Variants in NAALADL2 observed in about 807,000 individuals in gnomAD.
NAALADL2 encodes inactive N-acetylated-alpha-linked acidic dipeptidase-like protein 2.
A neutral mutation model predicts 87.2 loss-of-function variants in NAALADL2; 76 were observed. That is an observed-to-expected ratio of 0.87 (90% confidence interval 0.72 to 1.05). The LOEUF is 1.05. Among genes scored for constraint, NAALADL2 ranks in the 50% least tolerant of loss-of-function variants. NAALADL2 has a pLI of 0.00. For missense variants in NAALADL2, 1,089 were observed against 945.8 expected, an observed-to-expected ratio of 1.15 and a Z score of -1.99; for synonymous variants, 354 against 331.0, an observed-to-expected ratio of 1.07 and a Z score of -0.75.
At chr3:174,527,827 T>A (rs1240762515) in intron 1 of NAALADL2, among the ~76,000 whole-genome samples, 1 of 151,898 alleles carries the variant, frequency 6.6e-6, no homozygotes, top group East Asian at 1.9e-4. Context: ...ACAAAAATTC[T>A]ACCTGGCCTT....
chr3:175,753,710 C>T (rs1358429142), intron 12 of NAALADL2, among the ~76,000 whole-genome samples: 1 of 152,062 alleles, frequency 6.6e-6, no homozygotes, highest in African/African-American at 2.4e-5. Flanking sequence ...ATCAGTAGTT[C>T]TGGGAATCTG....
In NAALADL2 at chr3:174,729,758, AAAATT is replaced by A. The variant is rs1169388961; in HGVS notation, c.-114-7879_-114-7875del. ...TCCCATCATTCCTCTTGTTTTGAAA[AAAATT>A]AAAAGAATGAGTTGATATGATAATA... On this transcript the variant is annotated intron_variant, in intron 2 of 3. Transcript: ENST00000434257. 2.6e-5 allele frequency among the ~76,000 whole-genome samples: 4 copies of A among 152,038 alleles called. No homozygotes were observed. In the East Asian group the frequency reaches 7.7e-4, roughly 29 times the overall value.
chr3:175,415,559 C>A (rs757210131), intron 5 of NAALADL2, among the ~76,000 whole-genome samples: 2 of 151,952 alleles, frequency 1.3e-5, no homozygotes, highest in Non-Finnish European at 2.9e-5. Context: ...AAAGACTAAA[C>A]AAACATTAAA....
chr3:174,948,908 C>T (rs566851001), intron 1 of NAALADL2, among the ~76,000 whole-genome samples: 146 of 152,214 alleles, frequency 9.6e-4, no homozygotes, highest in Middle Eastern at 3.4e-3. Context: ...TTTATTTCTC[C>T]CAATTCTGGA....
intron 13 of NAALADL2, among the ~76,000 whole-genome samples, chr3:175,799,284 ATTC>A (rs1305799167): frequency 6.6e-6 from 1 of 152,106 alleles, no homozygotes; most frequent in Non-Finnish European, 1.5e-5. Flanking sequence ...ATAGTAGTTT[ATTC>A]TTTTAGTAAA....
At chr3:175,066,798 C>T (rs74360789) in intron 1 of NAALADL2, among the ~76,000 whole-genome samples, 16,922 of 152,096 alleles carry the variant, frequency 0.11, 1,075 homozygotes, top group East Asian at 0.21. Flanking sequence ...AATCCAAAAA[C>T]AGGTGAGATG....
rs58596469 is a variant in NAALADL2 at position 175,221,758 on chromosome 3, G to GTTATTTATTTATTTATTTAT, written c.546-12162_546-12143dup. Among the ~76,000 whole-genome samples the GTTATTTATTTATTTATTTAT allele has an allele frequency of 7.7e-3, 1,143 of 149,078 alleles. 9 individuals carry two copies. Among genetic ancestry groups the GTTATTTATTTATTTATTTAT allele is most frequent in the Non-Finnish European group, 0.011 (761 of 67,320 alleles). ...ATTTTTGTAGAGTAGATATTCAGTG[G>GTTATTTATTTATTTATTTAT]TTATTTATTTATTTATTTATTTATT... On this transcript the variant is annotated intron_variant, in intron 2 of 13. Coordinates refer to ENST00000454872, the MANE Select transcript of NAALADL2 (RefSeq NM_207015.3).
At chr3:174,755,351 G>A (rs1711899865) in intron 3 of NAALADL2, among the ~76,000 whole-genome samples, 1 of 152,002 alleles carries the variant, frequency 6.6e-6, no homozygotes, top group South Asian at 2.1e-4. Flanking sequence ...TGTGAGAACG[G>A]GCTAGTACAA....
At chr3:174,744,593 G>A (rs1232806864) in intron 3 of NAALADL2, among the ~76,000 whole-genome samples, 2 of 152,102 alleles carry the variant, frequency 1.3e-5, no homozygotes, top group African/African-American at 4.8e-5. Flanking sequence ...TCTGGATCAA[G>A]TGGACCTGAT....
chr3:174,492,512 A>G (rs1718266725), intron 1 of NAALADL2, among the ~76,000 whole-genome samples: 1 of 146,960 alleles, frequency 6.8e-6, no homozygotes, highest in Non-Finnish European at 1.5e-5. Flanking sequence ...AGATACTGCC[A>G]TGAGGGACAC....
At chr3:175,769,386 C>T (rs1206230490) in intron 13 of NAALADL2, among the ~76,000 whole-genome samples, 4 of 152,130 alleles carry the variant, frequency 2.6e-5, no homozygotes, top group Non-Finnish European at 5.9e-5. Flanking sequence ...TAACCTTTTC[C>T]TTTAAGGTAG....
At chr3:175,328,174 G>T (rs993136221) in intron 5 of NAALADL2, among the ~76,000 whole-genome samples, 1 of 152,152 alleles carries the variant, frequency 6.6e-6, no homozygotes, top group African/African-American at 2.4e-5. Flanking sequence ...CATGGCACCA[G>T]TCCTGAAGAA....
chr3:175,771,787 T>C (rs1381357545), intron 13 of NAALADL2, among the ~76,000 whole-genome samples: 1 of 152,192 alleles, frequency 6.6e-6, no homozygotes, highest in African/African-American at 2.4e-5. Flanking sequence ...ATACTGCTAA[T>C]AAAGATATAC....
rs181331504 is a variant in NAALADL2 at position 175,114,788 on chromosome 3, C to T, written c.545+17497C>T. On this transcript the variant is annotated intron_variant, in intron 2 of 13. Transcript: ENST00000454872. ...ATGAAGATTGAGACATTATTTATTACATAGTGCTTGTTTGTGGAATGGGAG... is the reference window on the plus strand; with the variant it reads ...ATGAAGATTGAGACATTATTTATTATATAGTGCTTGTTTGTGGAATGGGAG... 1.7e-3 allele frequency among the ~76,000 whole-genome samples: 257 copies of T among 151,668 alleles called. 1 individual carries two copies. The highest frequency in any genetic ancestry group is 2.3e-3 in the Non-Finnish European group (156 of 67,702).
At chr3:174,715,626 T>C (rs1731111691) in intron 2 of NAALADL2, among the ~76,000 whole-genome samples, 1 of 152,192 alleles carries the variant, frequency 6.6e-6, no homozygotes. Flanking sequence ...AAGCCCAGTT[T>C]CAAGAAATGC....
rs548018450 is a variant in NAALADL2 at position 174,897,027 on chromosome 3, A to G, written c.43+37577A>G. Among the ~76,000 whole-genome samples the G allele has an allele frequency of 3.9e-5, 6 of 152,324 alleles. No individual in the cohort carries two copies. In the South Asian group the frequency reaches 1.2e-3, roughly 32 times the overall value. ...TACAAAAATAAAATTGAAGTGGATTAAAGACTTAAATCTAAGACTTTAAAC... is the reference window on the plus strand; with the variant it reads ...TACAAAAATAAAATTGAAGTGGATTGAAGACTTAAATCTAAGACTTTAAAC... On this transcript the variant is annotated intron_variant, in intron 1 of 13. Transcript: ENST00000454872.
intron 2 of NAALADL2, among the ~76,000 whole-genome samples, chr3:174,728,055 G>A (rs1488203281): frequency 6.6e-6 from 1 of 151,784 alleles, no homozygotes; most frequent in Non-Finnish European, 1.5e-5. Context: ...TGATAACTCA[G>A]TTTTTTTTAG....
At chr3:174,787,159 C>A (rs1023498019) in intron 3 of NAALADL2, among the ~76,000 whole-genome samples, 1 of 151,844 alleles carries the variant, frequency 6.6e-6, no homozygotes, top group Non-Finnish European at 1.5e-5. Flanking sequence ...ATGACAACAT[C>A]TTTGGGGGTT....
chr3:175,735,610 G>A (rs921213338), intron 11 of NAALADL2, among the ~76,000 whole-genome samples: 37 of 152,056 alleles, frequency 2.4e-4, no homozygotes, highest in Non-Finnish European at 4.0e-4. Context: ...ATGGTGGCAG[G>A]AAAAAAGAGA....
Sources: allele counts gnomAD v4.1 joint callset (sites outside exome capture counted in the v4.1 genomes callset), GRCh38; gene constraint gnomAD v4.1.1; transcripts MANE v1.5; gene names NCBI Gene and HGNC (gene_info 2026-07-23, HGNC 2026-07-21).